Variants in DAAM2 observed in about 807,000 individuals in gnomAD.
DAAM2 encodes the protein dishevelled associated activator of morphogenesis 2.
A neutral mutation model predicts 120.7 loss-of-function variants in DAAM2; 39 were observed. The observed-to-expected ratio is 0.32, with a 90% CI of 0.25 to 0.42. DAAM2 has a LOEUF of 0.42. Ranked by LOEUF, DAAM2 falls within the 10% of genes least tolerant of loss-of-function variation. DAAM2 has a pLI of 1.00. For synonymous variants in DAAM2, 488 were observed against 524.9 expected (o/e 0.93, Z 0.96); for missense variants, 1,283 against 1,401.7 (o/e 0.92, Z 1.35).
At chr6:39,802,861 C>T (rs1391272410) in intron 1 of DAAM2, among the ~76,000 whole-genome samples, 1 of 152,148 alleles carries the variant, frequency 6.6e-6, no homozygotes, top group Non-Finnish European at 1.5e-5. Flanking sequence ...CCAAGAAGCC[C>T]CCTCGTGCCC....
intron 1 of DAAM2, among the ~76,000 whole-genome samples, chr6:39,852,263 G>A (rs965598400): frequency 2.0e-5 from 3 of 152,152 alleles, no homozygotes; most frequent in South Asian, 2.1e-4. Flanking sequence ...ATTCTCCTCC[G>A]AGGTGGAAAA....
chr6:39,828,161 C>T (rs1762744939), intron 1 of DAAM2, among the ~76,000 whole-genome samples: 1 of 152,196 alleles, frequency 6.6e-6, no homozygotes, highest in South Asian at 2.1e-4. Flanking sequence ...TTCAGTTTTG[C>T]ATTTCTAGTA....
intron 2 of DAAM2, among the ~76,000 whole-genome samples, chr6:39,860,085 T>G (rs1764150919): frequency 6.6e-6 from 1 of 152,242 alleles, no homozygotes; most frequent in East Asian, 1.9e-4. Flanking sequence ...GCATTGCTCA[T>G]GAATGACAGG....
chr6:39,845,403 T>A (rs1160369175), intron 1 of DAAM2, among the ~76,000 whole-genome samples: 5 of 1,684 alleles, frequency 3.0e-3, no homozygotes, highest in African/African-American at 4.2e-3. Context: ...ACATACACAT[T>A]CCCTACCTAC....
intron 2 of DAAM2, among the ~76,000 whole-genome samples, chr6:39,859,170 C>T (rs577204646): frequency 1.1e-4 from 16 of 152,046 alleles, no homozygotes; most frequent in South Asian, 2.1e-4. Context: ...TGAAGACTTG[C>T]GGGAGGAGGC....
Position 39,901,318 on chromosome 6 carries a change from T to G in DAAM2, c.2828T>G (p.Met943Arg), listed in dbSNP as rs772140170. ...CCTTGACAGTTCGCCAAGGCCTTGA[T>G]GCACTTCGGGGAGCATGACAGCAAG... is the stretch of plus-strand genomic sequence containing the variant. ...EARDKFAKAL[M>R]HFGEHDSKMQ... Residue 943 changes from methionine (M) to arginine (R), a missense_variant, in exon 24 of 25, where the codon ATG (methionine) becomes AGG (arginine). Transcript: ENST00000274867. The surrounding 1 kb of genome is among the most constrained non-coding windows in gnomAD (Gnocchi z 4.5). 4.3e-6 allele frequency: 7 copies of G among 1,613,750 alleles called. No homozygotes were observed. The African/African-American group carries it at 9.3e-5, about 22-fold the overall frequency.
chr6:39,848,932 A>C (rs910765393), intron 1 of DAAM2: 3 of 152,198 alleles, frequency 2.0e-5, no homozygotes, highest in Non-Finnish European at 2.9e-5. Context: ...TAAACCTCGA[A>C]CATGGTAGGT....
chr6:39,866,322 T>C (rs1764430318), intron 5 of DAAM2, among the ~76,000 whole-genome samples: 1 of 152,224 alleles, frequency 6.6e-6, no homozygotes, highest in Admixed American at 6.5e-5. Flanking sequence ...ATTGTCATTG[T>C]GGAAATTTTA....
In DAAM2 at chr6:39,904,015, G is replaced by A. The variant is rs1376799367; in HGVS notation, c.*1978G>A. ...GGGAAGATGGGAGGTTGTGGGTGAG[G>A]CCTCTAAAGGTCCTCTCCCAAACTG... On this transcript the variant is annotated 3_prime_UTR_variant, in exon 25 of 25. Transcript: ENST00000274867. 1 of 358,952 alleles carries A rather than the reference G, an allele frequency of 2.8e-6. No homozygotes were observed. Among genetic ancestry groups the A allele is most frequent in the East Asian group, 7.3e-5 (1 of 13,628 alleles). The allele number at this position is 358,952 out of a possible 1,614,324, so 22.2% of individuals were successfully genotyped here.
intron 8 of DAAM2, 90 bp downstream of exon 8, chr6:39,870,533 C>T: frequency 2.5e-6 from 2 of 799,592 alleles, no homozygotes; most frequent in Non-Finnish European, 4.2e-6. Context: ...GCTGCCCTTC[C>T]CTCTGGAGAC....
intron 1 of DAAM2, among the ~76,000 whole-genome samples, chr6:39,794,711 T>G (rs975323247): frequency 6.6e-6 from 1 of 152,212 alleles, no homozygotes; most frequent in East Asian, 1.9e-4. Context: ...TCCCCATTAC[T>G]AAAGAGCCTT....
intron 1 of DAAM2, among the ~76,000 whole-genome samples, chr6:39,852,919 G>A (rs1048855076): frequency 6.6e-6 from 1 of 152,304 alleles, no homozygotes; most frequent in South Asian, 2.1e-4. Flanking sequence ...GGAGAAGGAG[G>A]CAGCATTTGG....
At position 39,873,134 on chromosome 6, in the gene DAAM2, C is replaced by T. The variant is rs985979297; in HGVS notation, c.1045-104C>T. The T allele has an allele frequency of 5.4e-6, 4 of 743,250 alleles. No homozygotes were observed. The Admixed American group carries it at 8.6e-5, about 16-fold the overall frequency. 46.0% of individuals were successfully genotyped at this position (743,250 alleles called of 1,614,324 possible). A position where few individuals can be genotyped will look rare whatever the true frequency, so the allele number is the denominator to read the frequency against. On this transcript the variant is annotated intron_variant, in intron 9 of 24. Transcript: ENST00000274867. ...TGGGCCAGAGGCAGGGGAAGAAAAC[C>T]TTTCCTATGAGACAGGGCATAGTGG... is the stretch of plus-strand genomic sequence containing the variant.
At chr6:39,897,866 G>A (rs1043486307) in intron 21 of DAAM2, among the ~76,000 whole-genome samples, 1 of 152,156 alleles carries the variant, frequency 6.6e-6, no homozygotes, top group Non-Finnish European at 1.5e-5. Context: ...CAATTACAAT[G>A]CGAATGCTGA....
chr6:39,889,621 G>A (rs1765583597), intron 17 of DAAM2, among the ~76,000 whole-genome samples: 1 of 152,178 alleles, frequency 6.6e-6, no homozygotes, highest in Non-Finnish European at 1.5e-5. Context: ...CCTTAATAAT[G>A]TGGGGGCTGG....
chr6:39,812,167 C>T (rs1026375178), intron 1 of DAAM2, among the ~76,000 whole-genome samples: 1 of 152,194 alleles, frequency 6.6e-6, no homozygotes, highest in African/African-American at 2.4e-5. Context: ...CCTGGCCAGA[C>T]CCACGGCAGT....
intron 1 of DAAM2, among the ~76,000 whole-genome samples, chr6:39,826,157 G>T (rs548467931): frequency 2.3e-4 from 35 of 152,224 alleles, no homozygotes; most frequent in Non-Finnish European, 4.8e-4. Flanking sequence ...TAAACACACG[G>T]CTGGCATCTT....
intron 11 of DAAM2, among the ~76,000 whole-genome samples, chr6:39,876,896 G>A (rs1004000289): frequency 1.3e-4 from 20 of 152,194 alleles, no homozygotes; most frequent in African/African-American, 4.6e-4. Context: ...AGAGGGAAAA[G>A]GTCTTACTTG....
intron 1 of DAAM2, among the ~76,000 whole-genome samples, chr6:39,843,744 G>C (rs1157069263): frequency 6.6e-6 from 1 of 152,238 alleles, no homozygotes; most frequent in Non-Finnish European, 1.5e-5. Flanking sequence ...TAAGTGTGTG[G>C]TGAGACGATG....
Sources: allele counts gnomAD v4.1 joint callset (sites outside exome capture counted in the v4.1 genomes callset), GRCh38; gene constraint gnomAD v4.1.1; non-coding constraint Gnocchi (gnomAD v3.1); transcripts MANE v1.5; gene names NCBI Gene and HGNC (gene_info 2026-07-23, HGNC 2026-07-21).